Variants in IL1RAPL2 observed in about 807,000 individuals in gnomAD.
The protein encoded by IL1RAPL2 is X-linked interleukin-1 receptor accessory protein-like 2.
IL1RAPL2 carries 3 observed loss-of-function variants against 44.1 expected under a neutral mutation model. The ratio of observed to expected loss-of-function variants is 0.07; its 90% confidence interval spans 0.03 to 0.18. The LOEUF (loss-of-function observed/expected upper bound fraction) is 0.18. Among genes scored for constraint, IL1RAPL2 ranks in the 10% least tolerant of loss-of-function variants. The probability of loss-of-function intolerance (pLI) is 1.00; values close to 1 mark genes in which losing one functional copy is unlikely to be tolerated. For synonymous variants in IL1RAPL2, 181 were observed against 178.8 expected (o/e 1.01, Z -0.10); for missense variants, 391 against 496.4 (o/e 0.79, Z 2.02).
At chrX:105,408,653 G>A (rs1158675197) in intron 5 of IL1RAPL2, among the ~76,000 whole-genome samples, 2 of 111,346 alleles carry the variant, frequency 1.8e-5, no homozygotes, top group Non-Finnish European at 3.8e-5. Context: ...TGTATTGAGA[G>A]ATAATCTATT....
intron 5 of IL1RAPL2, among the ~76,000 whole-genome samples, chrX:105,374,239 C>T (rs184408940): frequency 1.4e-4 from 16 of 110,582 alleles, no homozygotes; most frequent in African/African-American, 5.2e-4. Flanking sequence ...TTACTGTAGT[C>T]CTGTAGTATA....
chrX:104,815,834 A>ATTT (rs34144319), intron 2 of IL1RAPL2, among the ~76,000 whole-genome samples: 1 of 86,509 alleles, frequency 1.2e-5, no homozygotes, highest in Admixed American at 1.3e-4. Context: ...CACCCCCCTC[A>ATTT]TTTTTTTTTT....
At chrX:105,739,143 C>A (rs769165535) in intron 7 of IL1RAPL2, among the ~76,000 whole-genome samples, 2 of 110,974 alleles carry the variant, frequency 1.8e-5, no homozygotes, top group South Asian at 7.7e-4. Flanking sequence ...AAAACTCTAA[C>A]CTCTACCACA....
chrX:105,695,334 T>C (rs902761490), intron 6 of IL1RAPL2, among the ~76,000 whole-genome samples: 3 of 111,713 alleles, frequency 2.7e-5, no homozygotes, highest in Non-Finnish European at 5.6e-5. Context: ...CAAAGGAAAC[T>C]TTCAGATTGG....
At chrX:104,632,417 A>G (rs1413985908) in intron 1 of IL1RAPL2, among the ~76,000 whole-genome samples, 2 of 111,683 alleles carry the variant, frequency 1.8e-5, no homozygotes, top group African/African-American at 6.5e-5. Context: ...CATTGAATCT[A>G]TAAATTACCT....
chrX:104,908,612 A>T (rs1316510496), intron 2 of IL1RAPL2, among the ~76,000 whole-genome samples: 3 of 111,416 alleles, frequency 2.7e-5, no homozygotes, highest in African/African-American at 9.8e-5. Context: ...TCTTTTCTTT[A>T]AGAATGTTGA....
intron 6 of IL1RAPL2, among the ~76,000 whole-genome samples, chrX:105,561,644 G>A (rs1416710750): frequency 8.9e-6 from 1 of 111,760 alleles, no homozygotes; most frequent in Non-Finnish European, 1.9e-5. Flanking sequence ...AAGCATATAT[G>A]AGTAATGCCA....
At chrX:104,659,745 A>G (rs1489145365) in intron 2 of IL1RAPL2, among the ~76,000 whole-genome samples, 1 of 112,346 alleles carries the variant, frequency 8.9e-6, no homozygotes, top group Non-Finnish European at 1.9e-5. Context: ...TGGAAACAAA[A>G]GATTGTGTTG....
intron 2 of IL1RAPL2, among the ~76,000 whole-genome samples, chrX:104,789,239 C>A (rs767764964): frequency 8.9e-6 from 1 of 111,944 alleles, no homozygotes; most frequent in East Asian, 2.8e-4. Flanking sequence ...GATCCCATTA[C>A]CATTGTAGTG....
At chrX:105,538,577 G>A (rs1208507187) in intron 6 of IL1RAPL2, among the ~76,000 whole-genome samples, 7 of 111,335 alleles carry the variant, frequency 6.3e-5, no homozygotes, top group Non-Finnish European at 1.9e-5. Context: ...TTTCCTTTGT[G>A]AGCTTCCATT....
intron 3 of IL1RAPL2, among the ~76,000 whole-genome samples, chrX:105,203,621 C>G (rs1389180332): frequency 8.9e-6 from 1 of 111,971 alleles, no homozygotes; most frequent in Non-Finnish European, 1.9e-5. Flanking sequence ...TCTTCCAAAC[C>G]TGCTCTTATA....
intron 4 of IL1RAPL2, among the ~76,000 whole-genome samples, chrX:105,240,969 G>A (rs914617341): frequency 8.1e-5 from 9 of 111,318 alleles, no homozygotes; most frequent in Admixed American, 1.9e-4. Flanking sequence ...CAAGGGGAGG[G>A]TGGGGAAAGG....
chrX:105,058,707 A>T (rs1189660639), intron 2 of IL1RAPL2, among the ~76,000 whole-genome samples: 1 of 112,151 alleles, frequency 8.9e-6, no homozygotes, highest in East Asian at 2.8e-4. Flanking sequence ...TTCTCCAGAA[A>T]AAAAAGGAAT....
intron 1 of IL1RAPL2, among the ~76,000 whole-genome samples, chrX:104,620,441 C>A: frequency 9.3e-6 from 1 of 107,207 alleles, no homozygotes; most frequent in Non-Finnish European, 1.9e-5. Context: ...AGATCGAGAC[C>A]ATCCTGGCTG....
chrX:104,876,974 C>G (rs1280405102), intron 2 of IL1RAPL2, among the ~76,000 whole-genome samples: 2 of 107,694 alleles, frequency 1.9e-5, no homozygotes, highest in Admixed American at 1.0e-4. Context: ...GTGAGAACAT[C>G]CAGTGTTTGG....
intron 8 of IL1RAPL2, among the ~76,000 whole-genome samples, chrX:105,741,371 T>C (rs1375561539): frequency 1.8e-5 from 2 of 112,009 alleles, no homozygotes; most frequent in Admixed American, 9.5e-5. Flanking sequence ...AATTGGCTCT[T>C]ACCTTGCTAT....
intron 2 of IL1RAPL2, among the ~76,000 whole-genome samples, chrX:105,080,663 C>T (rs1201198641): frequency 4.5e-5 from 5 of 111,773 alleles, no homozygotes; most frequent in African/African-American, 1.6e-4. Flanking sequence ...ATGCCTCAAG[C>T]TTTGTTCTTT....
intron 1 of IL1RAPL2, among the ~76,000 whole-genome samples, chrX:104,590,135 C>T (rs1420241105): frequency 9.0e-6 from 1 of 111,497 alleles, no homozygotes. Context: ...ACCTCTGCCT[C>T]CCGGGTTCAA....
At chrX:105,450,621 G>T (rs184248318) in intron 5 of IL1RAPL2, among the ~76,000 whole-genome samples, 181 of 111,725 alleles carry the variant, frequency 1.6e-3, no homozygotes, top group Non-Finnish European at 1.8e-3. Flanking sequence ...AACTCTGGGA[G>T]GAAGGAGTAC....
Sources: allele counts gnomAD v4.1 joint callset (sites outside exome capture counted in the v4.1 genomes callset), GRCh38; gene constraint gnomAD v4.1.1; transcripts MANE v1.5; gene names NCBI Gene and HGNC (gene_info 2026-07-23, HGNC 2026-07-21).